ACADL: variants seen among roughly 807,000 people sequenced by gnomAD.
The protein encoded by ACADL is acyl-CoA dehydrogenase long chain, also known as long-chain specific acyl-CoA dehydrogenase, mitochondrial.
A neutral mutation model predicts 56.9 loss-of-function variants in ACADL; 60 were observed. That is an observed-to-expected ratio of 1.05 (90% confidence interval 0.86 to 1.31). The LOEUF is 1.31. Ranked by LOEUF, ACADL falls within the 50% of genes most tolerant of loss-of-function variation. ACADL has a pLI of 0.00. For synonymous variants in ACADL, 158 were observed against 179.7 expected (o/e 0.88, Z 0.97); for missense variants, 484 against 525.5 (o/e 0.92, Z 0.77).
In ACADL at chr2:210,212,498, C is replaced by T. The variant is rs1178908904; in HGVS notation, c.537-2236G>A. On this transcript the variant is annotated intron_variant, in intron 4 of 10. Coordinates refer to ENST00000233710, the MANE Select transcript of ACADL (RefSeq NM_001608.4). ...TATAACCTCTGTAGAAAGTGTGGCCCTCCTGATACCTTGATTTGGGCCCAA... is the reference window on the plus strand; with the variant it reads ...TATAACCTCTGTAGAAAGTGTGGCCTTCCTGATACCTTGATTTGGGCCCAA... Among the ~76,000 whole-genome samples, 3 of 151,916 alleles carry T rather than the reference C, an allele frequency of 2.0e-5. No individual in the cohort carries two copies. In the East Asian group the frequency reaches 5.8e-4, roughly 29 times the overall value.
chr2:210,195,125 A>T lies in ACADL; in HGVS notation c.1112+86T>A, dbSNP rs1489173927. ...TTTCATTTCACAGATTTCTTCCTTT[A>T]AGACCCTCAAGGCTGAGCTTAAAAT... On this transcript the variant is annotated intron_variant, in intron 9 of 10. Coordinates refer to ENST00000233710, the MANE Select transcript of ACADL (RefSeq NM_001608.4). The T allele has an allele frequency of 5.2e-6, 8 of 1,548,862 alleles. No homozygotes were observed. In the African/African-American group the frequency reaches 9.5e-5, roughly 18 times the overall value.
chr2:210,206,031 C>A (rs1688883018), intron 5 of ACADL, among the ~76,000 whole-genome samples: 4 of 151,992 alleles, frequency 2.6e-5, no homozygotes, highest in Non-Finnish European at 5.9e-5. Flanking sequence ...TTTCTTTTCA[C>A]TATTAATATT....
At chr2:210,209,705 G>C (rs1353106369) in intron 5 of ACADL, 1 of 154,906 alleles carries the variant, frequency 6.5e-6, no homozygotes, top group Non-Finnish European at 1.4e-5. Flanking sequence ...GTCTCACTTT[G>C]TTGCCTAGGT....
chr2:210,195,354 A>T lies in ACADL; in HGVS notation c.985-16T>A. On this transcript the variant is annotated splice_polypyrimidine_tract_variant and intron_variant, in intron 8 of 10. Coordinates refer to ENST00000233710, the MANE Select transcript of ACADL (RefSeq NM_001608.4). ...GTTGCACTGTCTTGAATTTAAAGGA[A>T]ATAAAAGAAAAAAGTGAGCATGGTA... The T allele has an allele frequency of 6.2e-7, 1 of 1,606,916 alleles. No individual in the cohort carries two copies. Among genetic ancestry groups the T allele is most frequent in the Middle Eastern group, 1.7e-4 (1 of 6,042 alleles).
intron 5 of ACADL, among the ~76,000 whole-genome samples, chr2:210,206,064 G>T (rs1235383674): frequency 1.3e-5 from 2 of 151,964 alleles, no homozygotes; most frequent in Non-Finnish European, 2.9e-5. Context: ...AATAAACAGA[G>T]ATTATTATGT....
chr2:210,225,228 G>A lies in ACADL; in HGVS notation c.36C>T (p.Val12=). The A allele has an allele frequency of 6.4e-7, 1 of 1,552,760 alleles. No homozygotes were observed. The highest frequency in any genetic ancestry group is 8.7e-7 in the Non-Finnish European group (1 of 1,155,210). ...GGCGCGGCGCACGGTGGCCGCCCAGGACGCGTAGGGACCCTCGGAGAAGGC... is the reference window on the plus strand; with the variant it reads ...GGCGCGGCGCACGGTGGCCGCCCAGAACGCGTAGGGACCCTCGGAGAAGGC... ...AARLLRGSLR[V]LGGHRAPRQL... The change falls in exon 1 of 11, where the codon GTC becomes GTT. Residue 12 remains valine (V), a synonymous_variant. Coordinates refer to ENST00000233710, the MANE Select transcript of ACADL (RefSeq NM_001608.4).
intron 1 of ACADL, among the ~76,000 whole-genome samples, chr2:210,222,436 T>C (rs1689190295): frequency 6.7e-6 from 1 of 149,432 alleles, no homozygotes; most frequent in African/African-American, 2.5e-5. Flanking sequence ...GCCTGAGGAT[T>C]GCTTGAGCTG....
At chr2:210,224,910 GA>G in intron 1 of ACADL, 1 of 1,282,034 alleles carries the variant, frequency 7.8e-7, no homozygotes. Flanking sequence ...GCTCCGGAAT[GA>G]ACTTCTGGAG....
rs193230490 is a variant in ACADL at position 210,205,889 on chromosome 2, A to G, written c.604-93T>C. ...GAGAAAGTATATTACAGAAAACTAA[A>G]ACAGACAAGACATGCTTGATACCTC... On this transcript the variant is annotated intron_variant, in intron 5 of 10. Coordinates refer to ENST00000233710, the MANE Select transcript of ACADL (RefSeq NM_001608.4). 1,345 of 1,457,628 alleles carry G rather than the reference A, an allele frequency of 9.2e-4. 10 individuals are homozygous for G. Among genetic ancestry groups the G allele is most frequent in the Middle Eastern group, 2.3e-3 (13 of 5,732 alleles). The allele number at this position is 1,457,628 out of a possible 1,614,324, so 90.3% of individuals were successfully genotyped here.
chr2:210,220,126 C>T (rs1373322760), intron 2 of ACADL, among the ~76,000 whole-genome samples: 1 of 152,102 alleles, frequency 6.6e-6, no homozygotes, highest in Non-Finnish European at 1.5e-5. Context: ...ATATTTTCAA[C>T]TTGTAACCCC....
intron 1 of ACADL, among the ~76,000 whole-genome samples, chr2:210,222,268 C>A (rs548935615): frequency 6.6e-6 from 1 of 151,936 alleles, no homozygotes; most frequent in Admixed American, 6.6e-5. Context: ...TTGTATAATA[C>A]CTTAGAAGGT....
intron 5 of ACADL, among the ~76,000 whole-genome samples, chr2:210,206,002 A>G (rs1290744484): frequency 2.0e-5 from 3 of 152,188 alleles, no homozygotes; most frequent in African/African-American, 7.2e-5. Context: ...TAATGCTTCA[A>G]AGAATGAAAC....
intron 8 of ACADL, among the ~76,000 whole-genome samples, chr2:210,202,054 T>G (rs749807359): frequency 6.6e-6 from 1 of 152,162 alleles, no homozygotes; most frequent in Non-Finnish European, 1.5e-5. Flanking sequence ...TTCACTCACC[T>G]GTCTTTCAAG....
rs1688573712 is a variant in ACADL at position 210,187,976 on chromosome 2, T to C, written c.*985A>G. The C allele has an allele frequency of 6.6e-6, 1 of 152,230 alleles. No homozygotes were observed. Among genetic ancestry groups the C allele is most frequent in the South Asian group, 2.1e-4 (1 of 4,836 alleles). 9.4% of individuals were successfully genotyped at this position (152,230 alleles called of 1,614,324 possible). ...AATTACTTTTAAGTCTTAAATCAAA[T>C]GTCATTTCCTCACTTTTGAATTTTA... On this transcript the variant is annotated 3_prime_UTR_variant, in exon 11 of 11. Coordinates refer to ENST00000233710, the MANE Select transcript of ACADL (RefSeq NM_001608.4).
chr2:210,193,011 G>C, intron 9 of ACADL, 121 bp from the exon 10 acceptor site: 1 of 736,782 alleles, frequency 1.4e-6, no homozygotes, highest in Admixed American at 2.2e-5. Context: ...TAAGCAATTA[G>C]AACGGCATAT....
At position 210,195,317 on chromosome 2, in the gene ACADL, C is replaced by A; in HGVS notation, c.1006G>T (p.Glu336Ter). ...GTTACACATATATGTGTTTTTAATT[C>A]TGCTAATTTATGTTGCACTGTCTTG... ...HLQTVQHKLA[E>*]LKTHICVTRA... The change falls in exon 9 of 11, where the codon GAA becomes TAA. Residue 336 changes from glutamate to a stop codon, truncating the protein, a stop_gained. Coordinates refer to ENST00000233710, the MANE Select transcript of ACADL (RefSeq NM_001608.4). LOFTEE classifies it high-confidence loss of function. 1.9e-6 allele frequency: 3 copies of A among 1,612,964 alleles called. No individual in the cohort carries two copies. Among genetic ancestry groups the A allele is most frequent in the Non-Finnish European group, 2.5e-6 (3 of 1,179,114 alleles).
intron 10 of ACADL, among the ~76,000 whole-genome samples, chr2:210,189,712 AC>A (rs1688601688): frequency 6.6e-6 from 1 of 151,992 alleles, no homozygotes; most frequent in African/African-American, 2.4e-5. Flanking sequence ...CATGATAACA[AC>A]CGTACCACTG....
Position 210,210,151 on chromosome 2 carries a change from G to T in ACADL, c.603+45C>A, listed in dbSNP as rs1345651366. The T allele has an allele frequency of 2.2e-6, 3 of 1,375,168 alleles. No homozygotes were observed. The East Asian group carries it at 6.9e-5, about 31-fold the overall frequency. 85.2% of individuals were successfully genotyped at this position (1,375,168 alleles called of 1,614,324 possible). Reference sequence around the variant, plus strand: ...TGTCTTTGAGACATTGTTACCCATGGCATGACTCTGAAAAGAAGGGCTATA... The same window carrying T: ...TGTCTTTGAGACATTGTTACCCATGTCATGACTCTGAAAAGAAGGGCTATA... On this transcript the variant is annotated intron_variant, in intron 5 of 10. Coordinates refer to ENST00000233710, the MANE Select transcript of ACADL (RefSeq NM_001608.4).
intron 5 of ACADL, among the ~76,000 whole-genome samples, chr2:210,206,755 T>G (rs1387785427): frequency 1.3e-5 from 2 of 152,172 alleles, no homozygotes; most frequent in Non-Finnish European, 2.9e-5. Context: ...ACCCTCTACA[T>G]GCTGATGTCT....
Sources: gnomAD v4.1 joint callset for allele counts (sites outside exome capture counted in the v4.1 genomes callset) on GRCh38, gnomAD v4.1.1 for gene constraint, MANE v1.5 for transcripts, NCBI Gene and HGNC (gene_info 2026-07-23, HGNC 2026-07-21) for gene names.